FYB1: variants seen among roughly 807,000 people sequenced by gnomAD.
FYB1 encodes the protein FYN binding protein 1.
A neutral mutation model predicts 94.1 loss-of-function variants in FYB1; 41 were observed. The observed-to-expected ratio is 0.44, with a 90% CI of 0.34 to 0.57. FYB1 has a LOEUF of 0.57. Among genes scored for constraint, FYB1 ranks in the 20% least tolerant of loss-of-function variants. The pLI is 0.02. For missense variants in FYB1, 1,050 were observed against 976.8 expected (o/e 1.07, Z -1.00); for synonymous variants, 367 against 353.2 (o/e 1.04, Z -0.44).
At chr5:39,178,798 T>C (rs1390996178) in intron 2 of FYB1, among the ~76,000 whole-genome samples, 7 of 152,194 alleles carry the variant, frequency 4.6e-5, no homozygotes, top group African/African-American at 1.7e-4. Context: ...ACTAGACAGC[T>C]TCCCCCCAAC....
chr5:39,144,860 A>G (rs1480009883), intron 3 of FYB1, among the ~76,000 whole-genome samples: 1 of 152,212 alleles, frequency 6.6e-6, no homozygotes, highest in African/African-American at 2.4e-5. Flanking sequence ...GTAGATGTGT[A>G]TACTTTGGAT....
In FYB1 at chr5:39,126,149, A is replaced by G; in HGVS notation, c.1908-14T>C. Reference sequence around the variant, plus strand: ...TGTAGTGTGGAGCTTTGGAGCATGCAGGCATTGATCAGAATGTAATAATCA... The same window carrying G: ...TGTAGTGTGGAGCTTTGGAGCATGCGGGCATTGATCAGAATGTAATAATCA... On this transcript the variant is annotated splice_polypyrimidine_tract_variant and intron_variant, in intron 11 of 18. Transcript: ENST00000512982. 1 of 1,612,228 alleles carries G rather than the reference A, an allele frequency of 6.2e-7. No individual in the cohort carries two copies. The highest frequency in any genetic ancestry group is 8.5e-7 in the Non-Finnish European group (1 of 1,179,176).
At chr5:39,139,283 A>G (rs1354736225) in intron 4 of FYB1, 31 bp from the exon 5 acceptor site, 2 of 1,410,300 alleles carry the variant, frequency 1.4e-6, no homozygotes, top group Non-Finnish European at 1.9e-6. Flanking sequence ...AATTTAATAC[A>G]TTTGTAATAA....
intron 1 of FYB1, among the ~76,000 whole-genome samples, chr5:39,231,541 T>A (rs1434864588): frequency 2.6e-5 from 4 of 152,066 alleles, no homozygotes; most frequent in Non-Finnish European, 5.9e-5. Flanking sequence ...ATTTCAAGAA[T>A]GAAATAAACA....
intron 3 of FYB1, among the ~76,000 whole-genome samples, chr5:39,147,387 G>C (rs1315626796): frequency 1.3e-5 from 2 of 150,870 alleles, no homozygotes; most frequent in African/African-American, 2.4e-5. Flanking sequence ...TCCTACCACA[G>C]CCTCCCAAGT....
intron 17 of FYB1, among the ~76,000 whole-genome samples, chr5:39,110,028 G>T (rs1186736891): frequency 6.6e-6 from 1 of 152,068 alleles, no homozygotes; most frequent in Non-Finnish European, 1.5e-5. Flanking sequence ...GCATTAGCAA[G>T]TAAAATGCAA....
intron 1 of FYB1, among the ~76,000 whole-genome samples, chr5:39,204,425 G>A (rs1748661704): frequency 1.3e-5 from 2 of 152,168 alleles, no homozygotes; most frequent in South Asian, 4.1e-4. Flanking sequence ...ATTGTCATGT[G>A]CTTTAAACAT....
intron 2 of FYB1, among the ~76,000 whole-genome samples, chr5:39,155,493 C>A (rs553095504): frequency 7.9e-5 from 12 of 152,082 alleles, no homozygotes; most frequent in Non-Finnish European, 1.6e-4. Flanking sequence ...ATGTTGAATC[C>A]GGTTCGTTTT....
rs155381 is a variant in FYB1, at chr5:39,262,191, C to G, written c.-28+12212G>C. ...AAAACTTCTGTATAAAAAAGAGACA[C>G]CAAAAGTAAAGTTAAAAAGAAGCCA... On this transcript the variant is annotated intron_variant, in intron 1 of 1. Coordinates refer to the FYB1 transcript ENST00000510188. 1.5e-4 allele frequency among the ~76,000 whole-genome samples: 23 copies of G among 151,638 alleles called. 2 individuals are homozygous for G. Among genetic ancestry groups the G allele is most frequent in the African/African-American group, 5.3e-4 (22 of 41,400 alleles).
chr5:39,244,338 G>A (rs1368361134), intron 1 of FYB1, among the ~76,000 whole-genome samples: 6 of 152,132 alleles, frequency 3.9e-5, no homozygotes, highest in Admixed American at 2.6e-4. Flanking sequence ...TTTATAGAGA[G>A]TTTTCAGCAT....
intron 1 of FYB1, among the ~76,000 whole-genome samples, chr5:39,232,863 C>T (rs568887385): frequency 1.3e-5 from 2 of 152,040 alleles, no homozygotes; most frequent in African/African-American, 4.8e-5. Context: ...TGATGATTTC[C>T]AATTTCATCC....
intron 9 of FYB1, among the ~76,000 whole-genome samples, chr5:39,133,614 T>A (rs1741397328): frequency 6.6e-6 from 1 of 152,028 alleles, no homozygotes; most frequent in Non-Finnish European, 1.5e-5. Context: ...CCAGAAAGGA[T>A]GTTCTATTCT....
chr5:39,116,563 T>C (rs1739589634), intron 16 of FYB1, among the ~76,000 whole-genome samples: 1 of 152,198 alleles, frequency 6.6e-6, no homozygotes, highest in Non-Finnish European at 1.5e-5. Context: ...TAGAAAATGA[T>C]ATTAGATTAT....
At chr5:39,264,147 T>C (rs1036490172) in intron 1 of FYB1, among the ~76,000 whole-genome samples, 1 of 152,212 alleles carries the variant, frequency 6.6e-6, no homozygotes, top group African/African-American at 2.4e-5. Context: ...ATCCAACATT[T>C]GACTTGTTGC....
At chr5:39,110,903 A>G (rs970271417) in intron 16 of FYB1, 49 of 231,724 alleles carry the variant, frequency 2.1e-4, no homozygotes, top group Middle Eastern at 4.5e-4. Context: ...TGCATTGTAA[A>G]TAGTCTCAAA....
intron 1 of FYB1, among the ~76,000 whole-genome samples, chr5:39,269,038 GTTTTC>G (rs1246654887): frequency 2.0e-5 from 3 of 151,958 alleles, no homozygotes; most frequent in Non-Finnish European, 2.9e-5. Context: ...AGGTCAAGCT[GTTTTC>G]TTTTCTTTTC....
At chr5:39,231,147 C>CAAAAAAAAAAAAAAAAAAAAAA (rs747268330) in intron 1 of FYB1, among the ~76,000 whole-genome samples, 1 of 40,940 alleles carries the variant, frequency 2.4e-5, no homozygotes, top group African/African-American at 8.4e-5. Flanking sequence ...CAGCTCAGAG[C>CAAAAAAAAAAAAAAAAAAAAAA]AAAAAAAAAA....
chr5:39,193,282 T>C (rs768351538), intron 2 of FYB1, among the ~76,000 whole-genome samples: 1 of 152,204 alleles, frequency 6.6e-6, no homozygotes, highest in Non-Finnish European at 1.5e-5. Context: ...GATGATCTTT[T>C]TGGAAATGTT....
In FYB1 at chr5:39,202,775, T is replaced by C. The variant is rs779766078; in HGVS notation, c.186A>G (p.Pro62=). ...SNVPKFGSPK[P]PVAVKPSSEE... ...CAGAAGAAGGTTTGACTGCCACAGGTGGCTTTGGGGACCCAAACTTAGGTA... is the reference window on the plus strand; with the variant it reads ...CAGAAGAAGGTTTGACTGCCACAGGCGGCTTTGGGGACCCAAACTTAGGTA... Residue 62 remains proline (P), a synonymous_variant, in exon 2 of 19, where the codon CCA becomes CCG. Transcript: ENST00000512982. The C allele has an allele frequency of 1.1e-5, 18 of 1,613,900 alleles. No individual in the cohort carries two copies. The Admixed American group carries it at 2.7e-4, about 24-fold the overall frequency.
Sources: allele counts gnomAD v4.1 joint callset (sites outside exome capture counted in the v4.1 genomes callset), GRCh38; gene constraint gnomAD v4.1.1; transcripts MANE v1.5; gene names NCBI Gene and HGNC (gene_info 2026-07-23, HGNC 2026-07-21).